Variants in MAGEB2 observed in about 807,000 individuals in gnomAD.
The protein encoded by MAGEB2 is MAGE family member B2.
For missense variants in MAGEB2, 365 were observed against 243.2 expected (o/e 1.50, Z -3.33); for synonymous variants, 107 against 96.2 (o/e 1.11, Z -0.66).
intron 1 of MAGEB2, among the ~76,000 whole-genome samples, chrX:30,217,374 C>T (rs921215998): frequency 9.0e-6 from 1 of 110,957 alleles, no homozygotes; most frequent in African/African-American, 3.3e-5. Context: ...CCAGGGGAGG[C>T]GCTACACACT....
chrX:30,219,645 T>G lies in MAGEB2; in HGVS notation c.*105T>G. ...CCCAATGAGGTCTTAGGCAGATTCT[T>G]TACTTTGTAATTCAAAAGGCCTGTT... On this transcript the variant is annotated 3_prime_UTR_variant, in exon 2 of 2. Coordinates refer to ENST00000378988, the MANE Select transcript of MAGEB2 (RefSeq NM_002364.5). 1.3e-6 allele frequency: 1 copy of G among 743,242 alleles called. No individual in the cohort carries two copies. The highest frequency in any genetic ancestry group is 1.9e-6 in the Non-Finnish European group (1 of 521,713). 61.3% of individuals were successfully genotyped at this position (743,242 alleles called of 1,213,427 possible). A position where few individuals can be genotyped will look rare whatever the true frequency, so the allele number is the denominator to read the frequency against.
chrX:30,219,100 A>C lies in MAGEB2; in HGVS notation c.520A>C (p.Asn174His). The C allele has an allele frequency of 1.7e-6, 2 of 1,210,339 alleles. No individual in the cohort carries two copies. The highest frequency in any genetic ancestry group is 2.2e-6 in the Non-Finnish European group (2 of 894,663). ...FGLELNKVNPNGHTYTFIDKV... is the reference protein window; with the variant it reads ...FGLELNKVNPHGHTYTFIDKV... ...CCTTGAGCTGAATAAAGTCAACCCC[A>C]ACGGCCACACTTACACCTTCATCGA... is the stretch of plus-strand genomic sequence containing the variant. The change falls in exon 2 of 2, where the codon AAC becomes CAC. Residue 174 changes from asparagine to histidine, a missense_variant. Transcript: ENST00000378988.
In MAGEB2 at chrX:30,218,963, TAAA is replaced by T. The variant is rs1239668528; in HGVS notation, c.387_389del (p.Lys130del). On this transcript the variant is annotated inframe_deletion, in exon 2 of 2. Transcript: ENST00000378988. ...CAGTTCCTGTTGTACAAGTATAAAA[TAAA>T]AAAGTCCGTTACAAAGGGAGAAATG... 1.2e-5 allele frequency: 15 copies of T among 1,210,068 alleles called. No individual in the cohort carries two copies. The highest frequency in any genetic ancestry group is 1.7e-5 in the Non-Finnish European group (15 of 894,695).
In MAGEB2 at chrX:30,219,267, G is replaced by A. The variant is rs1391671203; in HGVS notation, c.687G>A (p.Met229Ile). 8.3e-7 allele frequency: 1 copy of A among 1,211,683 alleles called. No individual in the cohort carries two copies. Among genetic ancestry groups the A allele is most frequent in the Non-Finnish European group, 1.1e-6 (1 of 895,470 alleles). Residue 229 changes from methionine to isoleucine, a missense_variant, in exon 2 of 2, where the codon ATG becomes ATA. Coordinates refer to ENST00000378988, the MANE Select transcript of MAGEB2 (RefSeq NM_002364.5). Reference sequence around the variant, plus strand: ...AAGAGATCTGGGAATTCCTGAATATGTTGGGAGTCTATGATGGAGAGGAGC... The same window carrying A: ...AAGAGATCTGGGAATTCCTGAATATATTGGGAGTCTATGATGGAGAGGAGC... ...TEEEIWEFLN[M>I]LGVYDGEEHS...
chrX:30,216,966 C>CT (rs1446452798), intron 1 of MAGEB2, among the ~76,000 whole-genome samples: 1 of 107,775 alleles, frequency 9.3e-6, no homozygotes, highest in Non-Finnish European at 1.9e-5. Context: ...GATAAGAACT[C>CT]TGACGACTGC....
At position 30,219,419 on chromosome X, in the gene MAGEB2, A is replaced by G. The variant is rs146480900; in HGVS notation, c.839A>G (p.Tyr280Cys). The change falls in exon 2 of 2, where the codon TAT becomes TGT. Residue 280 changes from tyrosine to cysteine, a missense_variant. By Grantham distance (194) the Tyr-to-Cys change is radical (BLOSUM62 -2). Coordinates refer to ENST00000378988, the MANE Select transcript of MAGEB2 (RefSeq NM_002364.5). ...CAATTCCTGTGGGGTCCGAGAGCCT[A>G]TGCTGAAACCAGCAAGATGAAAGTC... ...RFQFLWGPRA[Y>C]AETSKMKVLE... The G allele has an allele frequency of 7.9e-5, 95 of 1,210,123 alleles. No homozygotes were observed. The highest frequency in any genetic ancestry group is 1.0e-4 in the Non-Finnish European group (90 of 895,043).
chrX:30,217,277 C>T (rs973629759), intron 1 of MAGEB2, among the ~76,000 whole-genome samples: 2 of 112,001 alleles, frequency 1.8e-5, no homozygotes, highest in African/African-American at 3.3e-5. Flanking sequence ...TGCTCAGCTT[C>T]TGGGAGCAGG....
intron 1 of MAGEB2, among the ~76,000 whole-genome samples, chrX:30,216,917 T>G (rs1601954925): frequency 4.2e-5 from 4 of 95,572 alleles, no homozygotes; most frequent in South Asian, 9.5e-4. Context: ...CAGCTTGAGG[T>G]CAGCAGAGGG....
In MAGEB2 at chrX:30,219,474, C is replaced by T. The variant is rs759589923; in HGVS notation, c.894C>T (p.Thr298=). 3 of 1,210,978 alleles carry T rather than the reference C, an allele frequency of 2.5e-6. No homozygotes were observed. The East Asian group carries it at 8.9e-5, about 36-fold the overall frequency. Residue 298 remains threonine, a synonymous_variant, in exon 2 of 2, where the codon ACC becomes ACT. Transcript: ENST00000378988. ...AGTTTTTGGCCAAGGTAAATGGTAC[C>T]ACCCCCTGTGCCTTCCCAACCCATT... The part of the protein sequence containing the change: ...VLEFLAKVNG[T]TPCAFPTHYE...
At chrX:30,217,785 G>A (rs1392913164) in intron 1 of MAGEB2, among the ~76,000 whole-genome samples, 2 of 112,068 alleles carry the variant, frequency 1.8e-5, no homozygotes, top group African/African-American at 6.5e-5. Flanking sequence ...CCTCTACCAG[G>A]AGTCAAATTG....
rs368665231 is a variant in MAGEB2 at position 30,218,863 on chromosome X, A to G, written c.283A>G (p.Ser95Gly). The change falls in exon 2 of 2, where the codon AGT becomes GGT. Residue 95 changes from serine to glycine, a missense_variant. By Grantham distance (56) the Ser-to-Gly change is moderately conservative. Coordinates refer to ENST00000378988, the MANE Select transcript of MAGEB2 (RefSeq NM_002364.5). ...GAGCCACCAAGGTGAGAAAAATGCA[A>G]GTTCCTCCCAGGCCTCAACATCCAC... ...AKSHQGEKNA[S>G]SSQASTSTKS... The G allele has an allele frequency of 1.2e-5, 15 of 1,202,360 alleles. No homozygotes were observed. In the Admixed American group the frequency reaches 1.3e-4, roughly 11 times the overall value.
In MAGEB2 at chrX:30,218,801, C is replaced by T. The variant is rs750240402; in HGVS notation, c.221C>T (p.Ala74Val). ...CCAACCACTGCCGCTGCTGCGGCTG[C>T]GGGTGTTTCATCCACAAAATCTAAA... ...RAPTTAAAAA[A>V]GVSSTKSKKG... The change falls in exon 2 of 2, where the codon GCG becomes GTG. Residue 74 changes from alanine (A) to valine (V), a missense_variant. By Grantham distance (64) the Ala-to-Val change is moderately conservative. Coordinates refer to ENST00000378988, the MANE Select transcript of MAGEB2 (RefSeq NM_002364.5). 38 of 1,187,372 alleles carry T rather than the reference C, an allele frequency of 3.2e-5. 1 individual carries two copies. The highest frequency in any genetic ancestry group is 1.1e-4 in the South Asian group (6 of 54,213).
chrX:30,215,817 C>A (rs2071798622), intron 1 of MAGEB2, among the ~76,000 whole-genome samples, 162 bp downstream of exon 1: 1 of 105,240 alleles, frequency 9.5e-6, no homozygotes, highest in Admixed American at 1.0e-4. Context: ...GGGGGAGGGG[C>A]AGTCGCGGGG....
At position 30,218,740 on chromosome X, in the gene MAGEB2, CCTG is replaced by C; in HGVS notation, c.167_169del (p.Ala56del). ...TTCTGGGGGTGCTGCTTCAAGCTCT[CCTG>C]CTGCTGGCATTCCCCAGGAGCCTCA... On this transcript the variant is annotated inframe_deletion, in exon 2 of 2. Coordinates refer to ENST00000378988, the MANE Select transcript of MAGEB2 (RefSeq NM_002364.5). 6.7e-6 allele frequency: 8 copies of C among 1,197,523 alleles called. No homozygotes were observed. The highest frequency in any genetic ancestry group is 9.0e-6 in the Non-Finnish European group (8 of 887,510).
intron 1 of MAGEB2, among the ~76,000 whole-genome samples, chrX:30,216,760 C>T (rs1924414437): frequency 9.2e-6 from 1 of 109,018 alleles, no homozygotes; most frequent in Non-Finnish European, 1.9e-5. Flanking sequence ...TGGCGGGCGC[C>T]TGTAATCCCA....
At position 30,219,520 on chromosome X, in the gene MAGEB2, G is replaced by T; in HGVS notation, c.940G>T (p.Glu314Ter). Reference protein sequence around the residue: ...PTHYEEALKDEEKAGV With the variant: ...PTHYEEALKD ...CCATTACGAAGAAGCTTTGAAAGAT[G>T]AAGAGAAAGCCGGAGTCTGAGCCAG... Residue 314 changes from glutamate (E) to a stop codon, truncating the protein, a stop_gained, in exon 2 of 2, where the codon GAA (glutamate) becomes TAA (stop). Transcript: ENST00000378988. LOFTEE classifies it high-confidence loss of function. 1 of 1,203,008 alleles carries T rather than the reference G, an allele frequency of 8.3e-7. No individual in the cohort carries two copies.
rs753184302 is a variant in MAGEB2, at chrX:30,219,624, A to G, written c.*84A>G. On this transcript the variant is annotated 3_prime_UTR_variant, in exon 2 of 2. Coordinates refer to ENST00000378988, the MANE Select transcript of MAGEB2 (RefSeq NM_002364.5). The stretch of plus-strand genomic sequence containing the variant: ...AGTTTACCTGCTGTTCTCACCCCCA[A>G]TGAGGTCTTAGGCAGATTCTTTACT... 1.3e-4 allele frequency: 117 copies of G among 871,695 alleles called. No homozygotes were observed. Among genetic ancestry groups the G allele is most frequent in the Middle Eastern group, 8.6e-4 (3 of 3,491 alleles). The allele number at this position is 871,695 out of a possible 1,213,427, so 71.8% of individuals were successfully genotyped here. A position where few individuals can be genotyped will look rare whatever the true frequency, so the allele number is the denominator to read the frequency against.
At position 30,219,211 on chromosome X, in the gene MAGEB2, ATCT is replaced by A. The variant is rs780694497; in HGVS notation, c.636_638del (p.Phe212del). On this transcript the variant is annotated inframe_deletion, in exon 2 of 2. Coordinates refer to ENST00000378988, the MANE Select transcript of MAGEB2 (RefSeq NM_002364.5). ...GCTTCTGATGCCTCTCCTGGGTGTG[ATCT>A]TCTTAAATGGCAACTCAGCTACTGA... 2.0e-5 allele frequency: 24 copies of A among 1,210,519 alleles called. No homozygotes were observed. The highest frequency in any genetic ancestry group is 6.9e-5 in the African/African-American group (4 of 57,672).
rs1365242452 is a variant in MAGEB2 at position 30,219,377 on chromosome X, G to GTGA, written c.799_801dup (p.Asp267dup). Reference sequence around the variant, plus strand: ...CTGGAGTACAAGCAGGTGCCCAGCAGTGATCCCCCACGCTTTCAATTCCTG... The same window carrying GTGA: ...CTGGAGTACAAGCAGGTGCCCAGCAGTGATGATCCCCCACGCTTTCAATTCCTG... On this transcript the variant is annotated inframe_insertion, in exon 2 of 2. Coordinates refer to ENST00000378988, the MANE Select transcript of MAGEB2 (RefSeq NM_002364.5). 8.3e-7 allele frequency: 1 copy of GTGA among 1,210,444 alleles called. No individual in the cohort carries two copies. The highest frequency in any genetic ancestry group is 1.1e-6 in the Non-Finnish European group (1 of 895,275).
Sources: gnomAD v4.1 joint callset for allele counts (sites outside exome capture counted in the v4.1 genomes callset) on GRCh38, gnomAD v4.1.1 for gene constraint, MANE v1.5 for transcripts, NCBI Gene and HGNC (gene_info 2026-07-23, HGNC 2026-07-21) for gene names.